NCAM2: variants seen among roughly 807,000 people sequenced by gnomAD.
NCAM2 encodes the protein neural cell adhesion molecule 2.
NCAM2 carries 30 observed loss-of-function variants against 98.1 expected under a neutral mutation model. That is an observed-to-expected ratio of 0.31 (90% CI 0.23 to 0.41). The LOEUF is 0.41. Ranked by LOEUF, NCAM2 falls within the 10% of genes least tolerant of loss-of-function variation. NCAM2 has a pLI of 1.00. For missense variants in NCAM2, 867 were observed against 1,005.8 expected, an observed-to-expected ratio of 0.86 and a Z score of 1.87; for synonymous variants, 368 against 342.4, an observed-to-expected ratio of 1.07 and a Z score of -0.83.
At chr21:21,110,202 T>G (rs1490042220) in intron 1 of NCAM2, among the ~76,000 whole-genome samples, 1 of 152,220 alleles carries the variant, frequency 6.6e-6, no homozygotes, top group African/African-American at 2.4e-5. Flanking sequence ...AAGTATGTCC[T>G]TAACCAGAGT....
intron 1 of NCAM2, among the ~76,000 whole-genome samples, chr21:21,035,677 C>A (rs1180318071): frequency 6.6e-6 from 1 of 152,054 alleles, no homozygotes; most frequent in Non-Finnish European, 1.5e-5. Context: ...ATTATATGAT[C>A]TCAAACTTGT....
chr21:21,209,815 C>T lies in NCAM2; in HGVS notation c.56-70763C>T, dbSNP rs141732181. Among the ~76,000 whole-genome samples the T allele has an allele frequency of 1.8e-3, 275 of 152,224 alleles. 2 individuals carry two copies. The highest frequency in any genetic ancestry group is 3.2e-3 in the Non-Finnish European group (216 of 68,022). ...AGAAGAAACAGTGGCAGACACTAGC[C>T]GAATCTTGCTATGTTCCCCAAAGAT... On this transcript the variant is annotated intron_variant, in intron 1 of 17. Transcript: ENST00000400546.
intron 9 of NCAM2, among the ~76,000 whole-genome samples, chr21:21,388,416 G>A (rs2076314763): frequency 1.3e-5 from 2 of 152,144 alleles, no homozygotes; most frequent in Admixed American, 1.3e-4. Flanking sequence ...GGGAACAAGG[G>A]CAGATTATTC....
intron 15 of NCAM2, among the ~76,000 whole-genome samples, chr21:21,486,811 C>T (rs233764): frequency 0.77 from 117,626 of 152,032 alleles, 46,286 homozygotes; most frequent in African/African-American, 0.87. Flanking sequence ...AAATAAGATA[C>T]ATCAATTTGG....
intron 1 of NCAM2, among the ~76,000 whole-genome samples, chr21:21,217,938 C>G (rs1015742304): frequency 3.3e-5 from 5 of 152,120 alleles, no homozygotes; most frequent in African/African-American, 1.2e-4. Context: ...AACCTCAGCC[C>G]CACAACCACA....
chr21:21,534,521 C>A lies in NCAM2; in HGVS notation c.2283-16C>A. 6.4e-7 allele frequency: 1 copy of A among 1,558,850 alleles called. No individual in the cohort carries two copies. The highest frequency in any genetic ancestry group is 8.7e-7 in the Non-Finnish European group (1 of 1,149,900). On this transcript the variant is annotated splice_polypyrimidine_tract_variant and intron_variant, in intron 16 of 17. Coordinates refer to ENST00000400546, the MANE Select transcript of NCAM2 (RefSeq NM_004540.5). ...TTTAAATTACACAGGTGAGATGTTTCTCTTTATGTTTCTAGGAAAGATGGA... is the reference window on the plus strand; with the variant it reads ...TTTAAATTACACAGGTGAGATGTTTATCTTTATGTTTCTAGGAAAGATGGA...
chr21:21,269,975 G>A (rs554692252), intron 1 of NCAM2, among the ~76,000 whole-genome samples: 1 of 152,116 alleles, frequency 6.6e-6, no homozygotes, highest in Admixed American at 6.6e-5. Flanking sequence ...TCTACACAAG[G>A]TTTATGCTAA....
intron 1 of NCAM2, among the ~76,000 whole-genome samples, chr21:21,051,149 C>A (rs894759162): frequency 1.3e-5 from 2 of 152,140 alleles, no homozygotes; most frequent in Non-Finnish European, 2.9e-5. Context: ...GGTCCCATGT[C>A]CGAGGTAATA....
chr21:21,178,180 A>G (rs916470473), intron 1 of NCAM2, among the ~76,000 whole-genome samples: 1 of 152,082 alleles, frequency 6.6e-6, no homozygotes, highest in Non-Finnish European at 1.5e-5. Flanking sequence ...AACATTTCAC[A>G]TTTTTTAAAT....
intron 12 of NCAM2, among the ~76,000 whole-genome samples, chr21:21,439,968 C>A (rs963869478): frequency 1.3e-5 from 2 of 152,124 alleles, no homozygotes; most frequent in Admixed American, 6.5e-5. Context: ...TCTCTTAAAA[C>A]AGAGGAACTG....
chr21:21,156,919 AC>A (rs1022795977), intron 1 of NCAM2, among the ~76,000 whole-genome samples: 2 of 152,034 alleles, frequency 1.3e-5, no homozygotes, highest in African/African-American at 4.8e-5. Flanking sequence ...ATTAACTTTC[AC>A]CTCTCTTTTC....
intron 1 of NCAM2, among the ~76,000 whole-genome samples, chr21:21,121,744 A>G (rs1450086045): frequency 6.6e-6 from 1 of 152,250 alleles, no homozygotes; most frequent in Non-Finnish European, 1.5e-5. Context: ...GGAAAAGGCT[A>G]TATATAGGCT....
In NCAM2 at chr21:21,540,748, A is replaced by T. The variant is rs574955997; in HGVS notation, c.*2791A>T. The T allele has an allele frequency of 6.6e-6, 1 of 152,134 alleles. No homozygotes were observed. The highest frequency in any genetic ancestry group is 6.6e-5 in the Admixed American group (1 of 15,226). The allele number at this position is 152,134 out of a possible 1,614,324, so 9.4% of individuals were successfully genotyped here. On this transcript the variant is annotated 3_prime_UTR_variant, in exon 18 of 18. Transcript: ENST00000400546. ...GAACCCTATGATATTTTAAACCAAG[A>T]GGCAAAGATATCACCTAAAACTTGG...
At chr21:21,315,583 G>A (rs1015251058) in intron 5 of NCAM2, among the ~76,000 whole-genome samples, 2 of 152,186 alleles carry the variant, frequency 1.3e-5, no homozygotes, top group East Asian at 1.9e-4. Context: ...GGTGTTTGCA[G>A]CTTTCCTCTG....
At chr21:21,472,214 T>C (rs966969879) in intron 14 of NCAM2, among the ~76,000 whole-genome samples, 2 of 151,976 alleles carry the variant, frequency 1.3e-5, no homozygotes, top group African/African-American at 4.8e-5. Flanking sequence ...AATTGGTAGC[T>C]TAAAATCAAT....
Position 21,365,811 on chromosome 21 carries a change from G to A in NCAM2, c.1045-8052G>A, listed in dbSNP as rs529137812. ...CTTGGACGGGATTAGTAGCATAGTG[G>A]ATACTGCAGAAAATGACTAGCAAAA... On this transcript the variant is annotated intron_variant, in intron 8 of 17. Coordinates refer to ENST00000400546, the MANE Select transcript of NCAM2 (RefSeq NM_004540.5). 4.6e-5 allele frequency among the ~76,000 whole-genome samples: 7 copies of A among 152,162 alleles called. No homozygotes were observed. In the South Asian group the frequency reaches 1.2e-3, roughly 27 times the overall value.
chr21:21,143,560 A>G (rs2067211498), intron 1 of NCAM2, among the ~76,000 whole-genome samples: 1 of 152,126 alleles, frequency 6.6e-6, no homozygotes, highest in Non-Finnish European at 1.5e-5. Flanking sequence ...TTATACTTTC[A>G]CATTTCAGTC....
intron 14 of NCAM2, among the ~76,000 whole-genome samples, chr21:21,473,868 C>T (rs1394411218): frequency 1.3e-5 from 2 of 149,864 alleles, no homozygotes; most frequent in South Asian, 2.1e-4. Flanking sequence ...TTAAGAAGTA[C>T]CCTGAATTGC....
At chr21:21,259,756 C>G (rs1484736674) in intron 1 of NCAM2, among the ~76,000 whole-genome samples, 2 of 152,070 alleles carry the variant, frequency 1.3e-5, no homozygotes, top group Non-Finnish European at 2.9e-5. Flanking sequence ...GAGAAAGCCA[C>G]AGCACAGAAG....
Sources: allele counts gnomAD v4.1 joint callset (sites outside exome capture counted in the v4.1 genomes callset), GRCh38; gene constraint gnomAD v4.1.1; transcripts MANE v1.5; gene names NCBI Gene and HGNC (gene_info 2026-07-23, HGNC 2026-07-21).